Variants in TAOK3 observed in about 807,000 individuals in gnomAD.
TAOK3 encodes TAO kinase 3, also known as serine/threonine-protein kinase TAO3.
Under a neutral mutation model 120.4 loss-of-function variants are expected in TAOK3, and 40 were observed. The observed-to-expected ratio is 0.33, with a 90% confidence interval of 0.26 to 0.43. The LOEUF is 0.43. Ranked by LOEUF, TAOK3 falls within the 20% of genes least tolerant of loss-of-function variation. TAOK3 has a pLI of 1.00. For missense variants in TAOK3, 821 were observed against 1,112.1 expected (o/e 0.74, Z 3.72); for synonymous variants, 355 against 387.5 (o/e 0.92, Z 0.99).
intron 1 of TAOK3, among the ~76,000 whole-genome samples, chr12:118,267,413 C>A (rs1056296597): frequency 6.6e-6 from 1 of 150,894 alleles, no homozygotes; most frequent in African/African-American, 2.4e-5. Context: ...CGGGGTTTCA[C>A]CATGTTGGCC....
At chr12:118,225,808 T>C (rs1158794368) in intron 9 of TAOK3, among the ~76,000 whole-genome samples, 4 of 152,278 alleles carry the variant, frequency 2.6e-5, no homozygotes, top group Non-Finnish European at 5.9e-5. Context: ...GATGTTCATA[T>C]ACATTGATTA....
intron 1 of TAOK3, among the ~76,000 whole-genome samples, chr12:118,367,352 G>A (rs567070349): frequency 6.6e-6 from 1 of 151,182 alleles, no homozygotes; most frequent in Non-Finnish European, 1.5e-5. Flanking sequence ...CTTTAATAAC[G>A]TATGTCTGGA....
rs71069433 is a variant in TAOK3 at position 118,230,460 on chromosome 12, G to GTTTTT, written c.643+3209_643+3213dup. On this transcript the variant is annotated intron_variant, in intron 9 of 20. Coordinates refer to ENST00000392533, the MANE Select transcript of TAOK3 (RefSeq NM_016281.4). ...GACTTCTGGGATTACCCTGTGAAGT[G>GTTTTT]TTTTTTTTTTTTTTTTTTTTTTTTT... Among the ~76,000 whole-genome samples, 12 of 50,036 alleles carry GTTTTT rather than the reference G, an allele frequency of 2.4e-4. 2 individuals carry two copies. Among genetic ancestry groups the GTTTTT allele is most frequent in the South Asian group, 9.1e-4 (1 of 1,102 alleles). 32.8% of individuals were successfully genotyped at this position (50,036 alleles called of 152,430 possible).
intron 11 of TAOK3, among the ~76,000 whole-genome samples, chr12:118,207,405 G>A (rs2038384188): frequency 6.6e-6 from 1 of 150,760 alleles, no homozygotes; most frequent in Admixed American, 6.6e-5. Flanking sequence ...TTAAGTTACA[G>A]AATATCATTT....
intron 9 of TAOK3, among the ~76,000 whole-genome samples, chr12:118,232,625 A>G (rs375564334): frequency 6.6e-6 from 1 of 152,070 alleles, no homozygotes; most frequent in African/African-American, 2.4e-5. Flanking sequence ...ATAACATGAG[A>G]CTGGGTGTGG....
intron 3 of TAOK3, 34 bp from the exon 4 acceptor site, chr12:118,244,999 A>G (rs1184024739): frequency 6.9e-7 from 1 of 1,446,500 alleles, no homozygotes; most frequent in Non-Finnish European, 9.6e-7. Flanking sequence ...AAGAAAAAGA[A>G]TTAGTGATGT....
chr12:118,321,408 A>G (rs1402753225), intron 1 of TAOK3, among the ~76,000 whole-genome samples: 1 of 152,066 alleles, frequency 6.6e-6, no homozygotes, highest in Non-Finnish European at 1.5e-5. Context: ...CTACTGGTGC[A>G]CGCCACCACA....
At chr12:118,344,316 G>C (rs77961291) in intron 1 of TAOK3, among the ~76,000 whole-genome samples, 2,101 of 151,224 alleles carry the variant, frequency 0.014, 52 homozygotes, top group African/African-American at 0.048. Flanking sequence ...ACCTGATTCA[G>C]GTAAGGCAAT....
chr12:118,203,259 A>T (rs568810036), intron 11 of TAOK3, among the ~76,000 whole-genome samples: 37 of 151,958 alleles, frequency 2.4e-4, no homozygotes, highest in Non-Finnish European at 4.9e-4. Flanking sequence ...TTCCCCAATT[A>T]AAAAAAAGGG....
chr12:118,255,382 T>C (rs764504221), intron 3 of TAOK3, 66 bp downstream of exon 3: 98 of 1,566,990 alleles, frequency 6.3e-5, no homozygotes, highest in Non-Finnish European at 8.3e-5. Flanking sequence ...CGTGAGTCAC[T>C]GTGCCAGGCC....
chr12:118,182,617 A>ATTTTT (rs1321007800), intron 14 of TAOK3, among the ~76,000 whole-genome samples: 3 of 89,758 alleles, frequency 3.3e-5, no homozygotes, highest in African/African-American at 5.0e-5. Flanking sequence ...ATATATATAT[A>ATTTTT]TATATATTTT....
intron 1 of TAOK3, among the ~76,000 whole-genome samples, chr12:118,288,589 G>T (rs2140492574): frequency 6.6e-6 from 1 of 152,186 alleles, no homozygotes; most frequent in South Asian, 2.1e-4. Context: ...TTCAACTGGT[G>T]GTATTTTCTT....
At chr12:118,158,912 C>T (rs1019194760) in intron 19 of TAOK3, among the ~76,000 whole-genome samples, 2 of 152,192 alleles carry the variant, frequency 1.3e-5, no homozygotes, top group East Asian at 1.9e-4. Context: ...TCCTCTTTCA[C>T]GTCTCTAAGT....
intron 1 of TAOK3, among the ~76,000 whole-genome samples, chr12:118,269,766 A>G (rs1488954955): frequency 1.3e-5 from 2 of 152,192 alleles, no homozygotes; most frequent in African/African-American, 4.8e-5. Flanking sequence ...TAAGACTTCT[A>G]GGAATTAAGC....
At chr12:118,284,260 A>G (rs1345630818) in intron 1 of TAOK3, among the ~76,000 whole-genome samples, 3 of 152,216 alleles carry the variant, frequency 2.0e-5, no homozygotes. Context: ...GAATAGAAGG[A>G]GACTAGAGCA....
chr12:118,207,268 A>G (rs1242587112), intron 11 of TAOK3, among the ~76,000 whole-genome samples: 1 of 151,302 alleles, frequency 6.6e-6, no homozygotes. Flanking sequence ...AGAGGTTGCC[A>G]TGAGCCGAGA....
chr12:118,182,623 A>ATATATATATATATATAT (rs371125415), intron 14 of TAOK3, among the ~76,000 whole-genome samples: 8 of 92,382 alleles, frequency 8.7e-5, no homozygotes, highest in South Asian at 3.5e-4. Flanking sequence ...ATATATATAT[A>ATATATATATATATATAT]TTTTTTTTTT....
At chr12:118,316,985 TGGG>T (rs2043488768) in intron 1 of TAOK3, among the ~76,000 whole-genome samples, 1 of 151,972 alleles carries the variant, frequency 6.6e-6, no homozygotes, top group Non-Finnish European at 1.5e-5. Flanking sequence ...TTGCTGGGGC[TGGG>T]CACGGTGGCT....
chr12:118,278,224 A>C (rs2041972505), intron 1 of TAOK3, among the ~76,000 whole-genome samples: 2 of 152,114 alleles, frequency 1.3e-5, no homozygotes, highest in Admixed American at 1.3e-4. Context: ...TTTGGTGTAC[A>C]GATTATTTCA....
Sources: gnomAD v4.1 joint callset for allele counts (sites outside exome capture counted in the v4.1 genomes callset) on GRCh38, gnomAD v4.1.1 for gene constraint, MANE v1.5 for transcripts, NCBI Gene and HGNC (gene_info 2026-07-23, HGNC 2026-07-21) for gene names.